The following ZYG11B variants were observed in gnomAD, a reference collection of about 807,000 sequenced individuals.
The protein encoded by ZYG11B is zyg-11 family member B, cell cycle regulator, also known as protein zyg-11 homolog B.
A neutral mutation model predicts 82.4 loss-of-function variants in ZYG11B; 36 were observed. The observed-to-expected ratio is 0.44, with a 90% confidence interval of 0.33 to 0.58. The LOEUF is 0.58. ZYG11B is among the 20% of genes least tolerant of loss of function. ZYG11B has a pLI of 0.02. For synonymous variants in ZYG11B, 303 were observed against 312.8 expected, an observed-to-expected ratio of 0.97 and a Z score of 0.33; for missense variants, 552 against 895.6, an observed-to-expected ratio of 0.62 and a Z score of 4.90.
At position 52,794,560 on chromosome 1, in the gene ZYG11B, G is replaced by A. The variant is rs185384801; in HGVS notation, c.1335-1732G>A. Among the ~76,000 whole-genome samples the A allele has an allele frequency of 1.9e-3, 283 of 152,270 alleles. 5 individuals are homozygous for A. Among genetic ancestry groups the A allele is most frequent in the Non-Finnish European group, 1.1e-3 (72 of 68,018 alleles). The stretch of plus-strand genomic sequence containing the variant: ...TAGGATATATAGTCCCCGCCCTCAA[G>A]GAGCTCACAGGCCAAATGGGGATTC... On this transcript the variant is annotated intron_variant, in intron 6 of 13. Coordinates refer to ENST00000294353, the MANE Select transcript of ZYG11B (RefSeq NM_024646.3).
chr1:52,803,265 T>TATACAC lies in ZYG11B; in HGVS notation c.1695+1127_1695+1128insTACACA, dbSNP rs1553262855. Among the ~76,000 whole-genome samples, 45 of 72,326 alleles carry TATACAC rather than the reference T, an allele frequency of 6.2e-4. 6 individuals are homozygous for TATACAC. Among genetic ancestry groups the TATACAC allele is most frequent in the East Asian group, 2.0e-3 (5 of 2,562 alleles). 47.4% of individuals were successfully genotyped at this position (72,326 alleles called of 152,430 possible). A position where few individuals can be genotyped will look rare whatever the true frequency, so the allele number is the denominator to read the frequency against. On this transcript the variant is annotated intron_variant, in intron 10 of 13. Coordinates refer to ENST00000294353, the MANE Select transcript of ZYG11B (RefSeq NM_024646.3). Reference sequence around the variant, plus strand: ...ACACACACACATATATATATATATATACACACACACACACATATATATATA... The same window carrying TATACAC: ...ACACACACACATATATATATATATATATACACACACACACACACACATATATATATA...
At chr1:52,781,442 C>T (rs146288865) in intron 4 of ZYG11B, among the ~76,000 whole-genome samples, 1 of 151,948 alleles carries the variant, frequency 6.6e-6, no homozygotes, top group Non-Finnish European at 1.5e-5. Context: ...GAGGTTACAG[C>T]GAGCTGAGAT....
chr1:52,732,580 A>T (rs1008536573), intron 1 of ZYG11B, among the ~76,000 whole-genome samples: 1 of 152,036 alleles, frequency 6.6e-6, no homozygotes, highest in African/African-American at 2.4e-5. Flanking sequence ...ACAGAGGTTA[A>T]AAAAAGACAC....
rs189368638 is a variant in ZYG11B at position 52,737,717 on chromosome 1, G to A, written c.30+11034G>A. On this transcript the variant is annotated intron_variant, in intron 1 of 13. Coordinates refer to ENST00000294353, the MANE Select transcript of ZYG11B (RefSeq NM_024646.3). ...AGACAGGTTGCAGTGAGCCAAGATCGTGCCACTGCACTCCAGCCTGGGCAA... is the reference window on the plus strand; with the variant it reads ...AGACAGGTTGCAGTGAGCCAAGATCATGCCACTGCACTCCAGCCTGGGCAA... Among the ~76,000 whole-genome samples, 141 of 152,294 alleles carry A rather than the reference G, an allele frequency of 9.3e-4. 2 individuals carry two copies. Among genetic ancestry groups the A allele is most frequent in the Admixed American group, 9.1e-3 (139 of 15,294 alleles).
chr1:52,813,899 A>G lies in ZYG11B; in HGVS notation c.1933A>G (p.Met645Val). ...GAAATGGCCAACTCCAGAGTGTGAG[A>G]TGGTAGCATACAGGTAATTAGTATC... ...ILKWPTPECE[M>V]VAYRSFNPFF... Residue 645 changes from methionine to valine, a missense_variant, in exon 12 of 14, where the codon ATG becomes GTG. Physicochemically the swap from Met to Val is conservative, Grantham distance 21. Coordinates refer to ENST00000294353, the MANE Select transcript of ZYG11B (RefSeq NM_024646.3). The G allele has an allele frequency of 1.9e-6, 3 of 1,614,136 alleles. No individual in the cohort carries two copies. Among genetic ancestry groups the G allele is most frequent in the Non-Finnish European group, 1.7e-6 (2 of 1,180,010 alleles).
chr1:52,775,623 G>A (rs1644797228), intron 3 of ZYG11B, among the ~76,000 whole-genome samples: 2 of 152,110 alleles, frequency 1.3e-5, no homozygotes, highest in African/African-American at 4.8e-5. Context: ...CCTGGGAGGC[G>A]GAGGTTATAG....
At chr1:52,758,802 A>G (rs956048850) in intron 2 of ZYG11B, among the ~76,000 whole-genome samples, 40 of 152,184 alleles carry the variant, frequency 2.6e-4, no homozygotes, top group African/African-American at 9.2e-4. Context: ...TGTCATAGGA[A>G]CTAGGGTAAA....
At chr1:52,815,071 T>G (rs530846668) in intron 12 of ZYG11B, among the ~76,000 whole-genome samples, 1 of 152,248 alleles carries the variant, frequency 6.6e-6, no homozygotes, top group East Asian at 1.9e-4. Flanking sequence ...GGCATGAGAA[T>G]CGCTTGAACT....
chr1:52,763,300 A>G (rs113142346), intron 2 of ZYG11B, among the ~76,000 whole-genome samples: 1,846 of 152,248 alleles, frequency 0.012, 41 homozygotes, highest in African/African-American at 0.043. Flanking sequence ...GTTCCATACA[A>G]ATTTTAAGAT....
intron 10 of ZYG11B, among the ~76,000 whole-genome samples, chr1:52,809,336 C>A (rs756689754): frequency 6.6e-6 from 1 of 152,228 alleles, no homozygotes; most frequent in East Asian, 1.9e-4. Flanking sequence ...TCCATTCCCC[C>A]ATTCTGCAGG....
At chr1:52,764,155 T>A (rs1310162479) in intron 2 of ZYG11B, among the ~76,000 whole-genome samples, 1 of 152,164 alleles carries the variant, frequency 6.6e-6, no homozygotes, top group Non-Finnish European at 1.5e-5. Context: ...GATGGAGTCT[T>A]GCTCTGTTGC....
chr1:52,738,765 A>T (rs1644398431), intron 1 of ZYG11B, among the ~76,000 whole-genome samples: 1 of 151,624 alleles, frequency 6.6e-6, no homozygotes, highest in Non-Finnish European at 1.5e-5. Flanking sequence ...GATTACAGGC[A>T]TGCACCACCA....
chr1:52,793,870 T>C (rs562044763), intron 6 of ZYG11B, among the ~76,000 whole-genome samples: 13 of 119,682 alleles, frequency 1.1e-4, no homozygotes, highest in African/African-American at 3.7e-4. Context: ...TTTCTTTCTT[T>C]CCTTCCTTCC....
In ZYG11B at chr1:52,816,522, G is replaced by A. The variant is rs753251892; in HGVS notation, c.1947-10G>A. The stretch of plus-strand genomic sequence containing the variant: ...GATGTAACTTTGATTCTTTTCTTTT[G>A]AACCTTTAGGTCCTTTAATCCATTT... On this transcript the variant is annotated splice_polypyrimidine_tract_variant and intron_variant, in intron 12 of 13. Transcript: ENST00000294353. The A allele has an allele frequency of 5.1e-6, 8 of 1,582,306 alleles. No homozygotes were observed. Among genetic ancestry groups the A allele is most frequent in the Middle Eastern group, 1.7e-4 (1 of 5,994 alleles).
chr1:52,783,113 G>C (rs1163232855), intron 4 of ZYG11B, among the ~76,000 whole-genome samples: 1 of 151,920 alleles, frequency 6.6e-6, no homozygotes, highest in Non-Finnish European at 1.5e-5. Flanking sequence ...TTTTAGTAGA[G>C]ACGAGGTTTC....
intron 2 of ZYG11B, among the ~76,000 whole-genome samples, chr1:52,767,787 G>A (rs916192049): frequency 1.3e-5 from 2 of 152,170 alleles, no homozygotes; most frequent in Non-Finnish European, 2.9e-5. Flanking sequence ...ATGTTGGGAG[G>A]AGGTGGCCTC....
At chr1:52,820,149 C>T (rs1311106618) in intron 13 of ZYG11B, among the ~76,000 whole-genome samples, 1 of 151,282 alleles carries the variant, frequency 6.6e-6, no homozygotes, top group Non-Finnish European at 1.5e-5. Context: ...CTCCTGACCT[C>T]GTTATCTGCT....
At chr1:52,802,238 C>T (rs1645080866) in intron 10 of ZYG11B, 99 bp downstream of exon 10, 2 of 1,136,602 alleles carry the variant, frequency 1.8e-6, no homozygotes, top group Admixed American at 2.3e-5. Flanking sequence ...AGTATCATAG[C>T]CCCTTATCTA....
chr1:52,808,411 T>C lies in ZYG11B; in HGVS notation c.1696-5125T>C, dbSNP rs111608082. 5.3e-3 allele frequency among the ~76,000 whole-genome samples: 808 copies of C among 152,274 alleles called. 3 individuals carry two copies. The highest frequency in any genetic ancestry group is 0.018 in the African/African-American group (761 of 41,544). On this transcript the variant is annotated intron_variant, in intron 10 of 13. Transcript: ENST00000294353. ...AAGATTAGTAACAATTTTGAATATT[T>C]GATTATATGTGTCTTGATGTAATTA... is the stretch of plus-strand genomic sequence containing the variant.
Sources: allele counts gnomAD v4.1 joint callset (sites outside exome capture counted in the v4.1 genomes callset), GRCh38; gene constraint gnomAD v4.1.1; transcripts MANE v1.5; gene names NCBI Gene and HGNC (gene_info 2026-07-23, HGNC 2026-07-21).